Variants in SLC18A2 observed in about 807,000 individuals in gnomAD.
SLC18A2 encodes solute carrier family 18 member A2, also known as synaptic vesicular amine transporter.
In SLC18A2, 33 loss-of-function variants were observed where a neutral mutation model predicts 59.2. The observed-to-expected ratio is 0.56, with a 90% CI of 0.42 to 0.75. The LOEUF (loss-of-function observed/expected upper bound fraction) is 0.75, where lower values mean the gene tolerates loss of function less well. SLC18A2 is among the 30% of genes least tolerant of loss of function. The pLI is 0.00. For synonymous variants in SLC18A2, 228 were observed against 253.5 expected, an observed-to-expected ratio of 0.90 and a Z score of 0.95; for missense variants, 569 against 668.6, an observed-to-expected ratio of 0.85 and a Z score of 1.64.
At chr10:117,246,444 C>G (rs558496399) in intron 3 of SLC18A2, among the ~76,000 whole-genome samples, 6 of 152,354 alleles carry the variant, frequency 3.9e-5, no homozygotes, top group Admixed American at 2.0e-4. Context: ...GGCTTTGAGG[C>G]TGTAGCCACA....
chr10:117,242,302 G>C (rs568143107), intron 2 of SLC18A2, among the ~76,000 whole-genome samples: 1 of 152,224 alleles, frequency 6.6e-6, no homozygotes, highest in South Asian at 2.1e-4. Flanking sequence ...AATATTTCAG[G>C]AACCATTGCA....
chr10:117,262,254 A>G (rs1480942541), intron 10 of SLC18A2, among the ~76,000 whole-genome samples: 3 of 152,208 alleles, frequency 2.0e-5, no homozygotes, highest in Non-Finnish European at 4.4e-5. Context: ...ACAAAACCCA[A>G]ACCAAGCCTG....
At chr10:117,261,189 C>G (rs1844290181) in intron 10 of SLC18A2, among the ~76,000 whole-genome samples, 1 of 95,962 alleles carries the variant, frequency 1.0e-5, no homozygotes, top group Non-Finnish European at 2.5e-5. Context: ...GAGATCCTGT[C>G]TCTACAAAAA....
rs772783004 is a variant in SLC18A2 at position 117,277,191 on chromosome 10, T to C, written c.1470T>C (p.Ile490=). The C allele has an allele frequency of 6.2e-7, 1 of 1,610,664 alleles. No homozygotes were observed. Among genetic ancestry groups the C allele is most frequent in the South Asian group, 1.1e-5 (1 of 90,924 alleles). Reference sequence around the variant, plus strand: ...TTCTCATGGATCACAACTGCCCTATTAAAACAAAAATGTACACTCAGAATA... The same window carrying C: ...TTCTCATGGATCACAACTGCCCTATCAAAACAAAAATGTACACTCAGAATA... ...MAILMDHNCP[I]KTKMYTQNNI... The change falls in exon 16 of 16, where the codon ATT becomes ATC. Residue 490 remains isoleucine (I), a synonymous_variant. Transcript: ENST00000644641.
At chr10:117,276,355 T>C (rs1389075829) in intron 15 of SLC18A2, among the ~76,000 whole-genome samples, 1 of 151,876 alleles carries the variant, frequency 6.6e-6, no homozygotes, top group Non-Finnish European at 1.5e-5. Flanking sequence ...CTCGTGTCTA[T>C]AGTCACAGCA....
In SLC18A2 at chr10:117,278,100, A is replaced by C. The variant is rs2133751405; in HGVS notation, c.*834A>C. Reference sequence around the variant, plus strand: ...TACCTTATACTGTCAAGGTTGTTTAAACATGATAAGGTTAATCGCCATCTA... The same window carrying C: ...TACCTTATACTGTCAAGGTTGTTTACACATGATAAGGTTAATCGCCATCTA... On this transcript the variant is annotated 3_prime_UTR_variant, in exon 16 of 16. Coordinates refer to ENST00000644641, the MANE Select transcript of SLC18A2 (RefSeq NM_003054.6). 6.6e-6 allele frequency: 1 copy of C among 152,326 alleles called. No individual in the cohort carries two copies. Among genetic ancestry groups the C allele is most frequent in the Middle Eastern group, 3.4e-3 (1 of 294 alleles). 9.4% of individuals were successfully genotyped at this position (152,326 alleles called of 1,614,324 possible). A position where few individuals can be genotyped will look rare whatever the true frequency, so the allele number is the denominator to read the frequency against.
intron 3 of SLC18A2, among the ~76,000 whole-genome samples, chr10:117,248,393 C>T (rs1003557450): frequency 1.3e-5 from 2 of 152,146 alleles, no homozygotes; most frequent in Non-Finnish European, 2.9e-5. Flanking sequence ...TATTCAGATC[C>T]TGTATTTCTG....
At chr10:117,274,917 C>T (rs1844467595) in intron 15 of SLC18A2, among the ~76,000 whole-genome samples, 1 of 152,268 alleles carries the variant, frequency 6.6e-6, no homozygotes, top group Admixed American at 6.5e-5. Context: ...AGCCAGATGA[C>T]AGTGCTGTAG....
intron 15 of SLC18A2, among the ~76,000 whole-genome samples, chr10:117,270,857 C>A (rs1198188510): frequency 6.6e-6 from 1 of 152,164 alleles, no homozygotes; most frequent in South Asian, 2.1e-4. Context: ...ACCCTTACAG[C>A]ATTCAGTAAT....
chr10:117,259,542 A>C (rs938894461), intron 10 of SLC18A2, among the ~76,000 whole-genome samples: 3 of 152,200 alleles, frequency 2.0e-5, no homozygotes, highest in African/African-American at 7.2e-5. Context: ...TGTGCGTGGC[A>C]GGTAAAGGTC....
chr10:117,258,090 A>C (rs955894143), intron 10 of SLC18A2, among the ~76,000 whole-genome samples, 198 bp downstream of exon 10: 1 of 152,222 alleles, frequency 6.6e-6, no homozygotes, highest in Non-Finnish European at 1.5e-5. Context: ...TGAGGGGTGC[A>C]GAACTCACAC....
chr10:117,251,109 A>G (rs1844157630), intron 3 of SLC18A2, among the ~76,000 whole-genome samples: 1 of 152,214 alleles, frequency 6.6e-6, no homozygotes, highest in Admixed American at 6.5e-5. Context: ...AGAACTGGTG[A>G]AACAAGAGTG....
chr10:117,267,904 C>A, intron 13 of SLC18A2, 168 bp downstream of exon 13: 1 of 497,972 alleles, frequency 2.0e-6, no homozygotes, highest in East Asian at 2.8e-5. Context: ...TGTAAAGACA[C>A]CTGCTTCTAT....
chr10:117,255,894 T>C (rs1459318857), intron 9 of SLC18A2, among the ~76,000 whole-genome samples: 2 of 152,236 alleles, frequency 1.3e-5, no homozygotes, highest in Non-Finnish European at 1.5e-5. Flanking sequence ...AAATGGCGTA[T>C]GCTGGGCTCT....
intron 15 of SLC18A2, among the ~76,000 whole-genome samples, chr10:117,276,117 C>G (rs1296423180): frequency 8.1e-6 from 1 of 124,172 alleles, no homozygotes; most frequent in African/African-American, 2.8e-5. Context: ...AGTGAGATGT[C>G]ATCTCTACAA....
chr10:117,277,850 A>G lies in SLC18A2; in HGVS notation c.*584A>G, dbSNP rs1443007903. On this transcript the variant is annotated 3_prime_UTR_variant, in exon 16 of 16. Coordinates refer to ENST00000644641, the MANE Select transcript of SLC18A2 (RefSeq NM_003054.6). ...GTGTCAGTTATCTTTTGAATCCATA[A>G]ATCTTAGCTGGCATTAGTTTTCTAT... The G allele has an allele frequency of 6.6e-6, 1 of 152,232 alleles. No homozygotes were observed. The highest frequency in any genetic ancestry group is 1.5e-5 in the Non-Finnish European group (1 of 68,048). The allele number at this position is 152,232 out of a possible 1,614,324, so 9.4% of individuals were successfully genotyped here.
chr10:117,249,402 G>A (rs1844139299), intron 3 of SLC18A2, among the ~76,000 whole-genome samples: 1 of 152,254 alleles, frequency 6.6e-6, no homozygotes, highest in South Asian at 2.1e-4. Context: ...ATTTTGACAA[G>A]CGGAATCGAA....
In SLC18A2 at chr10:117,278,602, T is replaced by G. The variant is rs1844534046; in HGVS notation, c.*1336T>G. ...ACTACTTGTGAATCCTGCAGTTCTA[T>G]AATCATAAACAAAAATTACTTAGTT... is the stretch of plus-strand genomic sequence containing the variant. On this transcript the variant is annotated 3_prime_UTR_variant, in exon 16 of 16. Coordinates refer to ENST00000644641, the MANE Select transcript of SLC18A2 (RefSeq NM_003054.6). 1 of 152,220 alleles carries G rather than the reference T, an allele frequency of 6.6e-6. No homozygotes were observed. The highest frequency in any genetic ancestry group is 1.5e-5 in the Non-Finnish European group (1 of 68,052). 9.4% of individuals were successfully genotyped at this position (152,220 alleles called of 1,614,324 possible).
At chr10:117,241,615 T>G in intron 1 of SLC18A2, 64 bp from the exon 2 acceptor site, 1 of 1,455,280 alleles carries the variant, frequency 6.9e-7, no homozygotes. Flanking sequence ...TTCCGCGGCC[T>G]GGGGGACGGG....
Sources: allele counts gnomAD v4.1 joint callset (sites outside exome capture counted in the v4.1 genomes callset), GRCh38; gene constraint gnomAD v4.1.1; transcripts MANE v1.5; gene names NCBI Gene and HGNC (gene_info 2026-07-23, HGNC 2026-07-21).